Variants in ATP6V1B1 observed in about 807,000 individuals in gnomAD.
The protein encoded by ATP6V1B1 is V-type proton ATPase subunit B, kidney isoform.
A neutral mutation model predicts 62.1 loss-of-function variants in ATP6V1B1; 41 were observed. The observed-to-expected ratio is 0.66, with a 90% CI of 0.51 to 0.86. The LOEUF is 0.86. Among genes scored for constraint, ATP6V1B1 ranks in the 40% least tolerant of loss-of-function variants. ATP6V1B1 has a pLI of 0.00. For missense variants in ATP6V1B1, 651 were observed against 697.5 expected, an observed-to-expected ratio of 0.93 and a Z score of 0.75; for synonymous variants, 253 against 273.4, an observed-to-expected ratio of 0.93 and a Z score of 0.74.
Position 70,961,579 on chromosome 2 carries a change from C to A in ATP6V1B1, c.688-17C>A, listed in dbSNP as rs2104829616. 6.2e-7 allele frequency: 1 copy of A among 1,613,784 alleles called. No individual in the cohort carries two copies. The highest frequency in any genetic ancestry group is 8.5e-7 in the Non-Finnish European group (1 of 1,179,614). ...GCCACAGGGCCCTACCTCCAGCCCA[C>A]CCTGCTGTGTATCCAGGTGAACATG... On this transcript the variant is annotated splice_polypyrimidine_tract_variant and intron_variant, in intron 7 of 13. Coordinates refer to ENST00000234396, the MANE Select transcript of ATP6V1B1 (RefSeq NM_001692.4).
chr2:70,947,069 T>C (rs1680195633), intron 2 of ATP6V1B1, among the ~76,000 whole-genome samples: 1 of 152,136 alleles, frequency 6.6e-6, no homozygotes, highest in Admixed American at 6.5e-5. Context: ...GCAATTACTC[T>C]TCCTGCTTCC....
chr2:70,961,157 C>T (rs1572921480), intron 7 of ATP6V1B1, 135 bp downstream of exon 7: 1 of 896,694 alleles, frequency 1.1e-6, no homozygotes. Flanking sequence ...AGGATGGGAG[C>T]AGTGACCACG....
In ATP6V1B1 at chr2:70,959,751, G is replaced by C. The variant is rs1453728555; in HGVS notation, c.446-188G>C. ...CAAACAGAAAGAAAGTCCCATTTCA[G>C]AGTCACACGTCATGTGCTCAATAGC... On this transcript the variant is annotated intron_variant, in intron 5 of 13. Coordinates refer to ENST00000234396, the MANE Select transcript of ATP6V1B1 (RefSeq NM_001692.4). The surrounding 1 kb of genome is among the most constrained non-coding windows in gnomAD (Gnocchi z 4.2). 6.6e-6 allele frequency among the ~76,000 whole-genome samples: 1 copy of C among 152,246 alleles called. No homozygotes were observed. The highest frequency in any genetic ancestry group is 1.5e-5 in the Non-Finnish European group (1 of 68,048).
In ATP6V1B1 at chr2:70,945,804, CTGTAATTT is replaced by C. The variant is rs577514321; in HGVS notation, c.174+2095_174+2102del. ...ACTAGAACTTATTGCTCCTGGCTAG[CTGTAATTT>C]TGTGCACAGATTTTTCCCTCTGCCT... On this transcript the variant is annotated intron_variant, in intron 2 of 13. Coordinates refer to ENST00000234396, the MANE Select transcript of ATP6V1B1 (RefSeq NM_001692.4). 3.2e-3 allele frequency among the ~76,000 whole-genome samples: 476 copies of C among 147,674 alleles called. 1 individual carries two copies. Among genetic ancestry groups the C allele is most frequent in the Admixed American group, 6.4e-3 (93 of 14,574 alleles).
At chr2:70,938,261 G>A (rs1315116180) in intron 1 of ATP6V1B1, among the ~76,000 whole-genome samples, 2 of 152,162 alleles carry the variant, frequency 1.3e-5, no homozygotes, top group Non-Finnish European at 2.9e-5. Context: ...GGAGGGATGA[G>A]GGGGGTGGTT....
At chr2:70,948,276 G>T (rs551310330) in intron 2 of ATP6V1B1, 1 of 153,846 alleles carries the variant, frequency 6.5e-6, no homozygotes, top group African/African-American at 2.4e-5. Context: ...GTCTTGCTCT[G>T]TCGCCAGGCT....
At chr2:70,961,093 C>A (rs962266907) in intron 7 of ATP6V1B1, 71 bp downstream of exon 7, 2 of 1,472,534 alleles carry the variant, frequency 1.4e-6, no homozygotes, top group Non-Finnish European at 1.9e-6. Context: ...CAGCCCCTGG[C>A]ATGACCTGAT....
intron 2 of ATP6V1B1, among the ~76,000 whole-genome samples, chr2:70,956,411 A>G (rs782274596): frequency 6.6e-6 from 1 of 152,216 alleles, no homozygotes; most frequent in Non-Finnish European, 1.5e-5. Context: ...TTAATGCTGA[A>G]TGATATTCTA....
chr2:70,947,995 C>T (rs1353979536), intron 2 of ATP6V1B1, among the ~76,000 whole-genome samples: 8 of 152,202 alleles, frequency 5.3e-5, no homozygotes, highest in African/African-American at 1.7e-4. Context: ...ACAACAATAA[C>T]GACGAACATC....
At chr2:70,941,974 G>T (rs1248721339) in intron 1 of ATP6V1B1, 4 of 1,016,922 alleles carry the variant, frequency 3.9e-6, no homozygotes, top group Non-Finnish European at 4.7e-6. Flanking sequence ...AGCCAGCAGT[G>T]GGGGGCCATG....
chr2:70,938,885 C>T, intron 1 of ATP6V1B1: 2 of 812,806 alleles, frequency 2.5e-6, no homozygotes, highest in Non-Finnish European at 3.0e-6. Context: ...CTGAAGATCC[C>T]CCAGGAGCTT....
intron 2 of ATP6V1B1, among the ~76,000 whole-genome samples, chr2:70,950,984 C>T (rs557612201): frequency 1.7e-5 from 2 of 119,944 alleles, no homozygotes; most frequent in Non-Finnish European, 3.2e-5. Flanking sequence ...CTCTTGTTGC[C>T]CAGGCTGGAG....
intron 2 of ATP6V1B1, among the ~76,000 whole-genome samples, chr2:70,955,461 A>C (rs1165602289): frequency 6.6e-6 from 1 of 152,198 alleles, no homozygotes; most frequent in South Asian, 2.1e-4. Flanking sequence ...AAGAAACCTC[A>C]TGCCCATTAG....
chr2:70,961,564 C>T, intron 7 of ATP6V1B1, 32 bp from the exon 8 acceptor site: 1 of 1,610,564 alleles, frequency 6.2e-7, no homozygotes, highest in Non-Finnish European at 8.5e-7. Context: ...GCCACAGGGC[C>T]CTACCTCCAG....
intron 2 of ATP6V1B1, among the ~76,000 whole-genome samples, chr2:70,950,603 G>GA (rs1258563985): frequency 6.7e-6 from 1 of 149,694 alleles, no homozygotes; most frequent in Non-Finnish European, 1.5e-5. Context: ...TACTAAAATA[G>GA]AAAAAAAAGG....
chr2:70,940,288 T>A (rs1303609408), intron 1 of ATP6V1B1: 2 of 808,240 alleles, frequency 2.5e-6, no homozygotes, highest in Admixed American at 1.2e-4. Context: ...GGCAGTGGAA[T>A]TAGAAATGAT....
intron 2 of ATP6V1B1, among the ~76,000 whole-genome samples, chr2:70,951,953 C>G (rs1422993339): frequency 1.3e-5 from 2 of 151,898 alleles, no homozygotes; most frequent in African/African-American, 2.4e-5. Context: ...GTTTAATTTT[C>G]TTTTTTCTTT....
chr2:70,957,943 G>A (rs1572919168), intron 2 of ATP6V1B1, 103 bp from the exon 3 acceptor site: 1 of 1,041,958 alleles, frequency 9.6e-7, no homozygotes, highest in East Asian at 2.6e-5. Flanking sequence ...CTGGACACTA[G>A]AGGGGAGAGA....
Position 70,963,175 on chromosome 2 carries a change from G to C in ATP6V1B1, c.923G>C (p.Arg308Thr). Residue 308 changes from arginine (R) to threonine (T), a missense_variant, in exon 10 of 14, where the codon AGA becomes ACA. By Grantham distance (71) the Arg-to-Thr change is moderately conservative. Coordinates refer to ENST00000234396, the MANE Select transcript of ATP6V1B1 (RefSeq NM_001692.4). This position sits in a 1 kb window ranked among gnomAD's most constrained non-coding sequence, Gnocchi z 4.3. ...AEALREVSAA[R>T]EEVPGRRGFP... ...TGGATATTGCAGGTCTCTGCTGCTA[G>C]AGAGGAGGTGCCTGGGCGCCGAGGG... 1 of 1,614,094 alleles carries C rather than the reference G, an allele frequency of 6.2e-7. No individual in the cohort carries two copies. Among genetic ancestry groups the C allele is most frequent in the Non-Finnish European group, 8.5e-7 (1 of 1,180,034 alleles).
Sources: gnomAD v4.1 joint callset for allele counts (sites outside exome capture counted in the v4.1 genomes callset) on GRCh38, gnomAD v4.1.1 for gene constraint, Gnocchi (gnomAD v3.1) non-coding constraint, MANE v1.5 for transcripts, NCBI Gene and HGNC (gene_info 2026-07-23, HGNC 2026-07-21) for gene names.